Variants in PIR observed in about 807,000 individuals in gnomAD.
The protein encoded by PIR is pirin (iron-binding nuclear protein).
PIR carries 22 observed loss-of-function variants against 24.2 expected under a neutral mutation model. The ratio of observed to expected loss-of-function variants is 0.91; its 90% CI spans 0.65 to 1.30. The LOEUF is 1.30. PIR is among the 50% of genes most tolerant of loss of function. PIR has a pLI of 0.00. For missense variants in PIR, 220 were observed against 220.3 expected (o/e 1.00, Z 0.01); for synonymous variants, 80 against 79.6 (o/e 1.00, Z -0.03).
chrX:15,470,560 T>C (rs1390252880), intron 3 of PIR, among the ~76,000 whole-genome samples: 1 of 109,753 alleles, frequency 9.1e-6, no homozygotes, highest in Non-Finnish European at 1.9e-5. Context: ...CTTTATTACA[T>C]TTCCCCCCAC....
rs1340870817 is a variant in PIR at position 15,491,240 on chromosome X, T to A, written c.18A>T (p.Lys6Asn). Reference sequence around the variant, plus strand: ...CCCGGCTGAGCACTGAGAGAGTAACTTTCTTGGAGGACCCCATATCGGAGT... The same window carrying A: ...CCCGGCTGAGCACTGAGAGAGTAACATTCTTGGAGGACCCCATATCGGAGT... MGSSK[K>N]VTLSVLSREQ... The change falls in exon 2 of 10, where the codon AAA becomes AAT. Residue 6 changes from lysine to asparagine, a missense_variant. Coordinates refer to ENST00000380420, the MANE Select transcript of PIR (RefSeq NM_001018109.3). 2 of 1,199,077 alleles carry A rather than the reference T, an allele frequency of 1.7e-6. No individual in the cohort carries two copies. Among genetic ancestry groups the A allele is most frequent in the Non-Finnish European group, 2.3e-6 (2 of 885,671 alleles).
chrX:15,447,565 G>A (rs969817919), intron 5 of PIR, among the ~76,000 whole-genome samples: 11 of 111,689 alleles, frequency 9.8e-5, no homozygotes, highest in African/African-American at 1.6e-4. Flanking sequence ...TGATCCGGCC[G>A]CCTCGGCCTC....
intron 5 of PIR, among the ~76,000 whole-genome samples, chrX:15,448,996 A>C (rs985365194): frequency 4.5e-5 from 5 of 112,230 alleles, no homozygotes; most frequent in African/African-American, 1.6e-4. Flanking sequence ...TGATGTACAC[A>C]CAGCAGGTGC....
chrX:15,387,411 T>C (rs1423072144), intron 9 of PIR, among the ~76,000 whole-genome samples: 1 of 110,222 alleles, frequency 9.1e-6, no homozygotes, highest in Non-Finnish European at 1.9e-5. Flanking sequence ...TCTGAGTATT[T>C]TAACATAGAA....
At chrX:15,395,889 G>A (rs1026311957) in intron 8 of PIR, among the ~76,000 whole-genome samples, 2 of 112,079 alleles carry the variant, frequency 1.8e-5, no homozygotes, top group East Asian at 5.6e-4. Flanking sequence ...ATAACAGAAC[G>A]ATGCCACTGG....
chrX:15,389,127 CAT>C (rs1440571248), intron 9 of PIR, among the ~76,000 whole-genome samples: 2 of 111,892 alleles, frequency 1.8e-5, no homozygotes, highest in Non-Finnish European at 3.8e-5. Context: ...CCATCTCACA[CAT>C]GTTTTTCCCA....
At chrX:15,416,570 A>G (rs992894190) in intron 6 of PIR, among the ~76,000 whole-genome samples, 1 of 111,001 alleles carries the variant, frequency 9.0e-6, no homozygotes, top group East Asian at 2.8e-4. Flanking sequence ...CGACTCTAAG[A>G]CGTCTGCCTG....
intron 3 of PIR, among the ~76,000 whole-genome samples, chrX:15,464,613 C>A (rs1183564557): frequency 1.8e-5 from 2 of 111,728 alleles, no homozygotes; most frequent in African/African-American, 6.5e-5. Context: ...AAAAGACCTG[C>A]ATTTTTTATA....
rs764814586 is a variant in PIR, at chrX:15,384,996, G to A, written c.*8C>T. The A allele has an allele frequency of 3.2e-5, 34 of 1,053,411 alleles. No individual in the cohort carries two copies. The South Asian group carries it at 5.3e-4, about 16-fold the overall frequency. The allele number at this position is 1,053,411 out of a possible 1,213,427, so 86.8% of individuals were successfully genotyped here. A position where few individuals can be genotyped will look rare whatever the true frequency, so the allele number is the denominator to read the frequency against. On this transcript the variant is annotated 3_prime_UTR_variant, in exon 10 of 10. Coordinates refer to ENST00000380420, the MANE Select transcript of PIR (RefSeq NM_001018109.3). ...AGGACACATCAAGACCTGCTCTTCC[G>A]CTTTCCACTAGTTCCCAATCTTTGA...
At chrX:15,452,320 G>T in intron 5 of PIR, among the ~76,000 whole-genome samples, 1 of 111,832 alleles carries the variant, frequency 8.9e-6, no homozygotes, top group Non-Finnish European at 1.9e-5. Flanking sequence ...AAAAGTGACA[G>T]GAACTATTCA....
At chrX:15,460,711 CA>C (rs1921264258) in intron 3 of PIR, among the ~76,000 whole-genome samples, 1 of 111,559 alleles carries the variant, frequency 9.0e-6, no homozygotes, top group South Asian at 3.8e-4. Context: ...GCTCTCACCA[CA>C]AAAATAGGTA....
intron 3 of PIR, among the ~76,000 whole-genome samples, chrX:15,473,473 C>T (rs1304277449): frequency 1.8e-5 from 2 of 112,437 alleles, no homozygotes; most frequent in African/African-American, 6.5e-5. Flanking sequence ...TTCCATCTTT[C>T]AAATATATAA....
At chrX:15,481,815 T>A (rs975542061) in intron 2 of PIR, among the ~76,000 whole-genome samples, 1 of 111,936 alleles carries the variant, frequency 8.9e-6, no homozygotes, top group African/African-American at 3.2e-5. Context: ...GCTTAATAGT[T>A]CACACACAAA....
At chrX:15,447,977 T>C (rs1264576669) in intron 5 of PIR, among the ~76,000 whole-genome samples, 2 of 112,274 alleles carry the variant, frequency 1.8e-5, no homozygotes, top group African/African-American at 3.2e-5. Flanking sequence ...AGGGTGTTAC[T>C]TCTGGTTTAA....
intron 5 of PIR, among the ~76,000 whole-genome samples, chrX:15,431,375 A>C (rs1247276073): frequency 3.6e-5 from 4 of 112,042 alleles, no homozygotes; most frequent in African/African-American, 1.3e-4. Flanking sequence ...TGTAAAGGTT[A>C]AGACATTGTG....
At chrX:15,444,804 G>A (rs984968719) in intron 5 of PIR, among the ~76,000 whole-genome samples, 3 of 111,367 alleles carry the variant, frequency 2.7e-5, no homozygotes, top group Admixed American at 9.6e-5. Context: ...ACAAAAACAG[G>A]TGGGTACTGA....
intron 3 of PIR, among the ~76,000 whole-genome samples, chrX:15,473,354 C>T (rs1435253845): frequency 2.7e-5 from 3 of 110,861 alleles, no homozygotes; most frequent in African/African-American, 9.9e-5. Flanking sequence ...ATTATGCATC[C>T]AAAAAGTCAC....
rs192218787 is a variant in PIR, at chrX:15,421,548, T to C, written c.565+4358A>G. On this transcript the variant is annotated intron_variant, in intron 6 of 9. Transcript: ENST00000380420. ...AAGAAATTGGAAAACCCAGAAAAAATTGATAAATTCCTGGATACATACAAC... is the reference window on the plus strand; with the variant it reads ...AAGAAATTGGAAAACCCAGAAAAAACTGATAAATTCCTGGATACATACAAC... Among the ~76,000 whole-genome samples the C allele has an allele frequency of 4.6e-4, 50 of 109,032 alleles. No individual in the cohort carries two copies. In the South Asian group the frequency reaches 0.017, roughly 38 times the overall value. The allele number at this position is 109,032 out of a possible 115,157, so 94.7% of individuals were successfully genotyped here. A position where few individuals can be genotyped will look rare whatever the true frequency, so the allele number is the denominator to read the frequency against.
intron 5 of PIR, among the ~76,000 whole-genome samples, chrX:15,446,010 T>C (rs1312642244): frequency 9.2e-6 from 1 of 108,542 alleles, no homozygotes; most frequent in African/African-American, 3.4e-5. Flanking sequence ...TTTGCATTTT[T>C]AGTAGAGACG....
Sources: allele counts gnomAD v4.1 joint callset (sites outside exome capture counted in the v4.1 genomes callset), GRCh38; gene constraint gnomAD v4.1.1; transcripts MANE v1.5; gene names NCBI Gene and HGNC (gene_info 2026-07-23, HGNC 2026-07-21).